The following TRPM5 variants were observed in gnomAD, a reference collection of about 807,000 sequenced individuals.
The protein encoded by TRPM5 is transient receptor potential cation channel subfamily M member 5.
In TRPM5, 121 loss-of-function variants were observed where a neutral mutation model predicts 124.9. That is an observed-to-expected ratio of 0.97 (90% CI 0.84 to 1.13). The LOEUF (loss-of-function observed/expected upper bound fraction) is 1.13, where lower values mean the gene tolerates loss of function less well. Ranked by LOEUF, TRPM5 falls within the 50% of genes most tolerant of loss-of-function variation. TRPM5 has a pLI of 0.00. For synonymous variants in TRPM5, 781 were observed against 700.5 expected (o/e 1.11, Z -1.81); for missense variants, 1,643 against 1,589.1 (o/e 1.03, Z -0.58).
rs554671405 is a variant in TRPM5 at position 2,408,130 on chromosome 11, C to T, written c.2783-218G>A. Among the ~76,000 whole-genome samples the T allele has an allele frequency of 4.6e-5, 7 of 152,284 alleles. No homozygotes were observed. In the South Asian group the frequency reaches 1.5e-3, roughly 32 times the overall value. On this transcript the variant is annotated intron_variant, in intron 18 of 23. Transcript: ENST00000155858. ...GAACCAGACGGGTGGTGAGCCCCACCCTGGGCCCCCTCTGCCATGTCTGCT... is the reference window on the plus strand; with the variant it reads ...GAACCAGACGGGTGGTGAGCCCCACTCTGGGCCCCCTCTGCCATGTCTGCT...
exon 24 of TRPM5, chr11:2,404,831 C>A: frequency 1.1e-6 from 1 of 875,052 alleles, no homozygotes; most frequent in Non-Finnish European, 1.8e-6. Flanking sequence ...TGCTGGGGGG[C>A]TGGTGCCCCC....
At chr11:2,417,376 A>G (rs951236954) in intron 7 of TRPM5, among the ~76,000 whole-genome samples, 29 of 152,258 alleles carry the variant, frequency 1.9e-4, no homozygotes, top group African/African-American at 6.7e-4. Context: ...AATCACTTCA[A>G]CTCGGGAGGT....
At chr11:2,420,404 T>A in exon 4 of TRPM5, 2 of 1,605,210 alleles carry the variant, frequency 1.2e-6, no homozygotes, top group Non-Finnish European at 1.7e-6. Context: ...AGGAAAATCC[T>A]CCTGCGCCCA....
the TRPM5 span, among the ~76,000 whole-genome samples, chr11:2,443,208 G>A: frequency 2.0e-5 from 3 of 152,132 alleles, no homozygotes; most frequent in Non-Finnish European, 4.4e-5. The surrounding 1 kb of genome is among the most constrained non-coding windows in gnomAD (Gnocchi z 5.0). Flanking sequence ...ATTTATTCTC[G>A]TGTGCGGTGA....
At position 2,412,794 on chromosome 11, in the gene TRPM5, T is replaced by C. The variant is rs1850478220; in HGVS notation, c.2315A>G (p.Tyr772Cys). ...CAGCACCAGCGTAAAGACCCAGAAG[T>C]AGAGGGTGACCTCGGGCCCTGAGGG... The change falls in exon 15 of 24, where the codon TAC becomes TGC. Residue 772 changes from tyrosine (Y) to cysteine (C), a missense_variant. By Grantham distance (194) the Tyr-to-Cys change is radical (BLOSUM62 -2). Transcript: ENST00000155858. The C allele has an allele frequency of 6.2e-7, 1 of 1,608,222 alleles. No homozygotes were observed. The highest frequency in any genetic ancestry group is 8.5e-7 in the Non-Finnish European group (1 of 1,178,078).
At chr11:2,411,867 G>T in intron 16 of TRPM5, 100 bp from the exon 22 acceptor site, 1 of 1,462,278 alleles carries the variant, frequency 6.8e-7, no homozygotes, top group Middle Eastern at 2.3e-4. Flanking sequence ...CCAGGGCCAG[G>T]CCAGGACTCC....
At chr11:2,433,989 A>G in the TRPM5 span, among the ~76,000 whole-genome samples, 62 of 149,404 alleles carry the variant, frequency 4.1e-4, no homozygotes, top group Non-Finnish European at 8.0e-4. Context: ...GTCTGTGTGG[A>G]TCTGTGTGGA....
At chr11:2,415,379 G>A (rs749234211) in exon 9 of TRPM5, 48 of 1,590,052 alleles carry the variant, frequency 3.0e-5, no homozygotes, top group African/African-American at 9.4e-5. Context: ...TCAGGAAGTC[G>A]GCCACGTCTG....
the TRPM5 span, among the ~76,000 whole-genome samples, chr11:2,444,482 C>T: frequency 6.7e-6 from 1 of 149,124 alleles, no homozygotes; most frequent in Non-Finnish European, 1.5e-5. Flanking sequence ...GCAGAGCAGG[C>T]GGGCATCAGA....
upstream of TRPM5, among the ~76,000 whole-genome samples, chr11:2,426,058 C>T (rs1237599932): frequency 1.3e-5 from 2 of 152,160 alleles, no homozygotes; most frequent in African/African-American, 4.8e-5. Flanking sequence ...GCCTGGAGCT[C>T]GGCAGTGCCT....
chr11:2,434,601 A>ATGTG, the TRPM5 span, among the ~76,000 whole-genome samples: 39 of 113,658 alleles, frequency 3.4e-4, 1 homozygote, highest in Admixed American at 1.6e-3. Flanking sequence ...GTGAAAGTGT[A>ATGTG]TGTGTGTGTG....
At chr11:2,420,801 C>G (rs73417511) in intron 3 of TRPM5, among the ~76,000 whole-genome samples, 1 of 152,282 alleles carries the variant, frequency 6.6e-6, no homozygotes, top group East Asian at 1.9e-4. Context: ...GGAAAGGGCT[C>G]GGGGCCTGGG....
chr11:2,413,001 A>G, exon 15 of TRPM5: 1 of 1,605,084 alleles, frequency 6.2e-7, no homozygotes. Context: ...CGCCTCCACC[A>G]GCTCCTCCAC....
At chr11:2,415,870 A>G (rs1189212153) in intron 8 of TRPM5, 36 bp downstream of exon 13, 4 of 1,464,550 alleles carry the variant, frequency 2.7e-6, no homozygotes, top group Middle Eastern at 1.7e-4. Context: ...GGGCAGTGCC[A>G]TGATGGGGAG....
chr11:2,404,940 G>T, exon 24 of TRPM5: 1 of 1,611,738 alleles, frequency 6.2e-7, no homozygotes, highest in South Asian at 1.1e-5. Context: ...AAGCAGCTCA[G>T]GTGTCCGAGG....
chr11:2,411,430 G>T (rs771853011), exon 18 of TRPM5: 2 of 1,612,336 alleles, frequency 1.2e-6, no homozygotes, highest in East Asian at 4.5e-5. Flanking sequence ...ATCCACTCCA[G>T]GCGGCCGTCA....
chr11:2,419,911 C>T (rs898719859), intron 4 of TRPM5, among the ~76,000 whole-genome samples: 5 of 151,306 alleles, frequency 3.3e-5, no homozygotes, highest in Non-Finnish European at 7.3e-5. Flanking sequence ...CTTAGAGTCC[C>T]GGAGCCTCTG....
upstream of TRPM5, among the ~76,000 whole-genome samples, chr11:2,427,344 C>T (rs1460240785): frequency 6.6e-6 from 1 of 152,220 alleles, no homozygotes; most frequent in African/African-American, 2.4e-5. Context: ...CCCCAGCACC[C>T]TGACACGCGG....
intron 6 of TRPM5, 144 bp downstream of exon 11, chr11:2,418,022 TG>T (rs1845710584): frequency 2.1e-6 from 2 of 961,510 alleles, no homozygotes; most frequent in East Asian, 5.3e-5. Flanking sequence ...CTGCTCCCTG[TG>T]GGCCTGAAGC....
Sources: allele counts gnomAD v4.1 joint callset (sites outside exome capture counted in the v4.1 genomes callset), GRCh38; gene constraint gnomAD v4.1.1; non-coding constraint Gnocchi (gnomAD v3.1); transcripts MANE v1.5; gene names NCBI Gene and HGNC (gene_info 2026-07-23, HGNC 2026-07-21).